The following PRKAR1B variants were observed in gnomAD, a reference collection of about 807,000 sequenced individuals.
PRKAR1B encodes the protein protein kinase cAMP-dependent type I regulatory subunit beta, also known as cAMP-dependent protein kinase type I-beta regulatory subunit.
A neutral mutation model predicts 46.5 loss-of-function variants in PRKAR1B; 22 were observed. The observed-to-expected ratio is 0.47, with a 90% CI of 0.34 to 0.68. PRKAR1B has a LOEUF of 0.68. Ranked by LOEUF, PRKAR1B falls within the 30% of genes least tolerant of loss-of-function variation. PRKAR1B has a pLI of 0.01. For synonymous variants in PRKAR1B, 259 were observed against 217.7 expected (o/e 1.19, Z -1.67); for missense variants, 445 against 535.6 (o/e 0.83, Z 1.67).
chr7:625,491 A>G (rs1402172699), intron 4 of PRKAR1B, among the ~76,000 whole-genome samples: 2 of 152,260 alleles, frequency 1.3e-5, no homozygotes, highest in African/African-American at 4.8e-5. Flanking sequence ...CAGAAATGAA[A>G]GAAGGGACAT....
At chr7:642,172 A>G (rs1231849966) in intron 4 of PRKAR1B, among the ~76,000 whole-genome samples, 1 of 152,200 alleles carries the variant, frequency 6.6e-6, no homozygotes, top group Non-Finnish European at 1.5e-5. Context: ...TTAGGATGAC[A>G]GGCATGAGCC....
At chr7:649,300 C>T (rs988514498) in intron 4 of PRKAR1B, among the ~76,000 whole-genome samples, 11 of 152,156 alleles carry the variant, frequency 7.2e-5, no homozygotes, top group African/African-American at 2.2e-4. Flanking sequence ...TAATTTAAAA[C>T]GTATCTTAAT....
intron 6 of PRKAR1B, among the ~76,000 whole-genome samples, chr7:601,847 C>G (rs1270403606): frequency 6.6e-6 from 1 of 151,596 alleles, no homozygotes; most frequent in Admixed American, 6.6e-5. Context: ...GGGCCGGGTC[C>G]AGCAGAGGCC....
At chr7:665,774 GCT>G (rs1402620837) in intron 4 of PRKAR1B, among the ~76,000 whole-genome samples, 2 of 152,248 alleles carry the variant, frequency 1.3e-5, no homozygotes, top group Non-Finnish European at 2.9e-5. Flanking sequence ...CCAGGAGACA[GCT>G]CCCTTCAGCT....
At chr7:691,700 GC>G (rs1038576462) in intron 2 of PRKAR1B, 4 of 1,268,638 alleles carry the variant, frequency 3.2e-6, no homozygotes, top group Non-Finnish European at 3.1e-6. Flanking sequence ...ACGGTCAAAA[GC>G]AGCTCCTCGT....
intron 4 of PRKAR1B, among the ~76,000 whole-genome samples, chr7:632,310 GACCACCCACCTCGCCGA>G (rs1343716625): frequency 5.9e-5 from 9 of 152,130 alleles, no homozygotes; most frequent in African/African-American, 2.2e-4. Flanking sequence ...GGGGCGTGGA[GACCACCCACCTCGCCGA>G]AGCCGGCACC....
chr7:613,022 T>C (rs62431455), intron 4 of PRKAR1B, among the ~76,000 whole-genome samples: 114,312 of 151,876 alleles, frequency 0.75, 43,512 homozygotes, highest in South Asian at 0.89. Context: ...CCTAACACCG[T>C]GTGGTCATTA....
intron 9 of PRKAR1B, among the ~76,000 whole-genome samples, chr7:571,208 A>C (rs9286357): frequency 2.6e-5 from 4 of 152,058 alleles, no homozygotes; most frequent in Admixed American, 6.5e-5. Flanking sequence ...GGCACTGTCC[A>C]AGACCCCAGC....
In PRKAR1B at chr7:660,444, C is replaced by T. The variant is rs1480715392; in HGVS notation, c.440+16785G>A. ...CCCCCCAGTGCCACAGGCTCCCCAC[C>T]CCAACGGGTCCAAATACCTACTCTG... On this transcript the variant is annotated intron_variant, in intron 4 of 10. Transcript: ENST00000537384. Among the ~76,000 whole-genome samples the T allele has an allele frequency of 6.1e-5, 9 of 148,742 alleles. No individual in the cohort carries two copies. In the South Asian group the frequency reaches 8.7e-4, roughly 14 times the overall value.
rs1196073912 is a variant in PRKAR1B, at chr7:550,398, GGGGAGCTGGGGCTGCAGGGC to G, written c.*12_*31del. 2.6e-6 allele frequency: 4 copies of G among 1,563,414 alleles called. No homozygotes were observed. The highest frequency in any genetic ancestry group is 4.8e-5 in the East Asian group (2 of 41,980). On this transcript the variant is annotated 3_prime_UTR_variant, in exon 11 of 11. Transcript: ENST00000537384. ...ACGAGCAGGGCACGGCCACCACACTGGGGAGCTGGGGCTGCAGGGCGGGAGCTGTGCTCAGACGGTGAGGG... is the reference window on the plus strand; with the variant it reads ...ACGAGCAGGGCACGGCCACCACACTGGGGAGCTGTGCTCAGACGGTGAGGG...
At chr7:635,616 T>C (rs1298958923) in intron 4 of PRKAR1B, among the ~76,000 whole-genome samples, 1 of 152,080 alleles carries the variant, frequency 6.6e-6, no homozygotes, top group African/African-American at 2.4e-5. Flanking sequence ...CTCCGCTGCC[T>C]CCCAGGCCCT....
chr7:677,643 T>A (rs1778411765), intron 3 of PRKAR1B, among the ~76,000 whole-genome samples: 1 of 151,970 alleles, frequency 6.6e-6, no homozygotes, highest in Non-Finnish European at 1.5e-5. Flanking sequence ...CCCAGGCTGG[T>A]CTCAAACATC....
At chr7:662,697 G>A (rs1435440809) in intron 4 of PRKAR1B, among the ~76,000 whole-genome samples, 1 of 151,484 alleles carries the variant, frequency 6.6e-6, no homozygotes. Flanking sequence ...CAGTGGCACA[G>A]GTCCCCACCC....
chr7:642,638 T>C (rs1414161342), intron 4 of PRKAR1B, among the ~76,000 whole-genome samples: 1 of 146,524 alleles, frequency 6.8e-6, no homozygotes, highest in Non-Finnish European at 1.5e-5. Flanking sequence ...GGCAGGAGAA[T>C]GGCGTGAACC....
intron 4 of PRKAR1B, among the ~76,000 whole-genome samples, chr7:614,252 C>T (rs919784264): frequency 2.0e-5 from 3 of 152,224 alleles, no homozygotes; most frequent in East Asian, 1.9e-4. Flanking sequence ...GCAGCATATA[C>T]GACAGGATGC....
chr7:558,371 GAGGAGA>G (rs1191184660), intron 9 of PRKAR1B, among the ~76,000 whole-genome samples: 1 of 150,788 alleles, frequency 6.6e-6, no homozygotes, highest in African/African-American at 2.4e-5. Context: ...GGAGGAGGAG[GAGGAGA>G]AGAAGAAATA....
intron 4 of PRKAR1B, among the ~76,000 whole-genome samples, chr7:615,956 TA>T (rs956587776): frequency 1.1e-5 from 1 of 92,026 alleles, no homozygotes; most frequent in East Asian, 3.0e-4. Flanking sequence ...GAAAGAAAAA[TA>T]AAAAAAGAAA....
intron 4 of PRKAR1B, 150 bp from the exon 5 acceptor site, chr7:607,602 A>T: frequency 1.4e-6 from 1 of 738,650 alleles, no homozygotes; most frequent in South Asian, 1.8e-5. Flanking sequence ...GAAAATTGAA[A>T]TCCTTCATGA....
intron 1 of PRKAR1B, among the ~76,000 whole-genome samples, chr7:718,023 G>A (rs1012315416): frequency 2.0e-5 from 3 of 152,210 alleles, no homozygotes; most frequent in African/African-American, 7.2e-5. Flanking sequence ...ATCAGTGGCT[G>A]TAAGAGGACC....
Sources: gnomAD v4.1 joint callset for allele counts (sites outside exome capture counted in the v4.1 genomes callset) on GRCh38, gnomAD v4.1.1 for gene constraint, MANE v1.5 for transcripts, NCBI Gene and HGNC (gene_info 2026-07-23, HGNC 2026-07-21) for gene names.